Variants in VPS37A observed in about 807,000 individuals in gnomAD.
VPS37A encodes vacuolar protein sorting-associated protein 37A.
In VPS37A, 30 loss-of-function variants were observed where a neutral mutation model predicts 49.8. The observed-to-expected ratio is 0.60, with a 90% CI of 0.45 to 0.82. The LOEUF is 0.82. Ranked by LOEUF, VPS37A falls within the 40% of genes least tolerant of loss-of-function variation. The pLI, the probability that VPS37A is intolerant of heterozygous loss-of-function variation, is 0.00. For missense variants in VPS37A, 593 were observed against 464.4 expected (o/e 1.28, Z -2.55); for synonymous variants, 195 against 160.6 (o/e 1.21, Z -1.62).
In VPS37A at chr8:17,296,096, C is replaced by T. The variant is rs1816608405; in HGVS notation, c.*1110C>T. On this transcript the variant is annotated 3_prime_UTR_variant, in exon 12 of 12. Transcript: ENST00000324849. The stretch of plus-strand genomic sequence containing the variant: ...GCATAATTTTGCTTAAATTTCATCC[C>T]AGTATGATTGTCTTCCCAACACCAG... 1 of 152,196 alleles carries T rather than the reference C, an allele frequency of 6.6e-6. No individual in the cohort carries two copies. The highest frequency in any genetic ancestry group is 6.5e-5 in the Admixed American group (1 of 15,282). The allele number at this position is 152,196 out of a possible 1,614,324, so 9.4% of individuals were successfully genotyped here. A position where few individuals can be genotyped will look rare whatever the true frequency, so the allele number is the denominator to read the frequency against.
the VPS37A span, among the ~76,000 whole-genome samples, chr8:17,315,100 C>A: frequency 6.6e-6 from 1 of 152,122 alleles, no homozygotes; most frequent in Admixed American, 6.5e-5. Context: ...AAAAGTTATA[C>A]AATATTTAAA....
chr8:17,299,299 A>AAAGTT (rs1816943491), downstream of VPS37A: 1 of 152,370 alleles, frequency 6.6e-6, no homozygotes, highest in African/African-American at 2.4e-5. Flanking sequence ...GCTCCAAGGA[A>AAAGTT]AAGTTAAAGT....
chr8:17,304,563 T>G, downstream of VPS37A: 1 of 1,584,414 alleles, frequency 6.3e-7, no homozygotes, highest in South Asian at 1.1e-5. Flanking sequence ...ATTTTGGTGC[T>G]TACACACAGT....
At chr8:17,270,078 A>G (rs1813832859) in intron 4 of VPS37A, among the ~76,000 whole-genome samples, 1 of 152,050 alleles carries the variant, frequency 6.6e-6, no homozygotes, top group Non-Finnish European at 1.5e-5. Context: ...AAACAGTCAG[A>G]TCTCATGAGA....
In VPS37A at chr8:17,295,139, C is replaced by T. The variant is rs775759024; in HGVS notation, c.*153C>T. ...TACAGAACTGAGACTGATTTTGTAC[C>T]GATTAGAATGATTGCTATGATCTTT... On this transcript the variant is annotated 3_prime_UTR_variant, in exon 12 of 12. Transcript: ENST00000324849. The T allele has an allele frequency of 8.5e-5, 13 of 152,490 alleles. No individual in the cohort carries two copies. The highest frequency in any genetic ancestry group is 2.1e-4 in the South Asian group (1 of 4,826). 9.4% of individuals were successfully genotyped at this position (152,490 alleles called of 1,614,324 possible). A position where few individuals can be genotyped will look rare whatever the true frequency, so the allele number is the denominator to read the frequency against.
chr8:17,280,485 T>C (rs764703561), intron 9 of VPS37A, 42 bp downstream of exon 9: 8 of 1,548,184 alleles, frequency 5.2e-6, no homozygotes, highest in Middle Eastern at 2.0e-4. Context: ...AGATTTTTTT[T>C]TTAATCTTAT....
At chr8:17,303,285 G>A (rs917249986), downstream of VPS37A, among the ~76,000 whole-genome samples, 5 of 152,080 alleles carry the variant, frequency 3.3e-5, no homozygotes, top group African/African-American at 1.2e-4. Flanking sequence ...CATGCACTAT[G>A]GAGGCTTTTG....
Position 17,273,711 on chromosome 8 carries a change from T to A in VPS37A, c.417-1022T>A, listed in dbSNP as rs546592937. 5.9e-5 allele frequency among the ~76,000 whole-genome samples: 9 copies of A among 152,182 alleles called. No homozygotes were observed. The South Asian group carries it at 1.9e-3, about 32-fold the overall frequency. On this transcript the variant is annotated intron_variant, in intron 4 of 11. Transcript: ENST00000324849. ...ACTAATATTTCTGTACCTTCCTTTT[T>A]CAGGCTTTTTTTCTTTCTACTGTGG...
intron 1 of VPS37A, among the ~76,000 whole-genome samples, chr8:17,250,952 A>G (rs739335): frequency 6.6e-5 from 10 of 152,006 alleles, no homozygotes; most frequent in African/African-American, 2.4e-4. Context: ...TCTCTCTTCT[A>G]AGTATCACTT....
chr8:17,305,821 G>C, downstream of VPS37A: 1 of 1,613,666 alleles, frequency 6.2e-7, no homozygotes, highest in Non-Finnish European at 8.5e-7. Flanking sequence ...GAATAAATGT[G>C]ATGTTGAATG....
chr8:17,257,623 C>T (rs1812592710), intron 1 of VPS37A, among the ~76,000 whole-genome samples: 1 of 152,028 alleles, frequency 6.6e-6, no homozygotes, highest in South Asian at 2.1e-4. Context: ...TACTCCAGAA[C>T]CTAAAGTATA....
chr8:17,286,964 G>T (rs1461757167), intron 11 of VPS37A, among the ~76,000 whole-genome samples: 2 of 152,182 alleles, frequency 1.3e-5, no homozygotes, highest in African/African-American at 2.4e-5. Flanking sequence ...AGTAATGACA[G>T]TATCCATGCC....
chr8:17,310,022 A>G, the VPS37A span, among the ~76,000 whole-genome samples: 3 of 152,066 alleles, frequency 2.0e-5, no homozygotes, highest in Admixed American at 2.0e-4. Context: ...TATTTTTGAG[A>G]CAGGATCTCA....
At chr8:17,258,816 A>G (rs981376124) in intron 1 of VPS37A, among the ~76,000 whole-genome samples, 10 of 151,944 alleles carry the variant, frequency 6.6e-5, no homozygotes, top group Non-Finnish European at 7.4e-5. Flanking sequence ...GAAGTTTTCT[A>G]TTTTATCATG....
the VPS37A span, chr8:17,331,201 C>T: frequency 2.5e-6 from 4 of 1,612,612 alleles, no homozygotes; most frequent in East Asian, 2.2e-5. Flanking sequence ...TTCTCTATCC[C>T]GATAAACTGA....
chr8:17,266,904 C>T (rs112743394), intron 2 of VPS37A, among the ~76,000 whole-genome samples: 6 of 152,062 alleles, frequency 3.9e-5, no homozygotes, highest in Admixed American at 3.3e-4. Context: ...TCTTGAGTAG[C>T]TGGGATTACA....
At chr8:17,248,197 A>G (rs1162209736) in intron 1 of VPS37A, 5 of 396,080 alleles carry the variant, frequency 1.3e-5, no homozygotes, top group Admixed American at 9.7e-5. Context: ...TTTTGCAAGT[A>G]TATTTACTTA....
At chr8:17,291,215 G>A (rs908146445) in intron 11 of VPS37A, among the ~76,000 whole-genome samples, 22 of 152,124 alleles carry the variant, frequency 1.4e-4, no homozygotes, top group Non-Finnish European at 2.9e-4. Context: ...GTTTCACCAT[G>A]TTGGCCAGGC....
chr8:17,256,793 C>T (rs763493808), intron 1 of VPS37A, among the ~76,000 whole-genome samples: 11 of 152,072 alleles, frequency 7.2e-5, no homozygotes, highest in Non-Finnish European at 1.6e-4. Flanking sequence ...GCTGGGATTA[C>T]AGGCACTCAC....
Sources: allele counts gnomAD v4.1 joint callset (sites outside exome capture counted in the v4.1 genomes callset), GRCh38; gene constraint gnomAD v4.1.1; transcripts MANE v1.5; gene names NCBI Gene and HGNC (gene_info 2026-07-23, HGNC 2026-07-21).